The following PCCA variants were observed in gnomAD, a reference collection of about 807,000 sequenced individuals.
PCCA encodes the protein propionyl-CoA carboxylase alpha chain, mitochondrial.
In PCCA, 74 loss-of-function variants were observed where a neutral mutation model predicts 101.3. The ratio of observed to expected loss-of-function variants is 0.73; its 90% CI spans 0.61 to 0.89. The LOEUF is 0.89. Ranked by LOEUF, PCCA falls within the 40% of genes least tolerant of loss-of-function variation. PCCA has a pLI of 0.00. For missense variants in PCCA, 891 were observed against 907.0 expected, an observed-to-expected ratio of 0.98 and a Z score of 0.23; for synonymous variants, 294 against 313.6, an observed-to-expected ratio of 0.94 and a Z score of 0.66.
At chr13:100,451,848 TCTCTCCTCTTC>T (rs2081288261) in intron 21 of PCCA, among the ~76,000 whole-genome samples, 1 of 92,680 alleles carries the variant, frequency 1.1e-5, no homozygotes, top group Non-Finnish European at 2.4e-5. Flanking sequence ...CTCTCTCCTC[TCTCTCCTCTTC>T]CTCTCCTCTC....
intron 19 of PCCA, among the ~76,000 whole-genome samples, chr13:100,423,017 T>C (rs1013405830): frequency 2.0e-5 from 3 of 152,106 alleles, no homozygotes; most frequent in Admixed American, 6.5e-5. Flanking sequence ...TTTTTTTTTT[T>C]TTTCCAAATT....
chr13:100,221,400 CT>C (rs906435673), intron 7 of PCCA, among the ~76,000 whole-genome samples: 3 of 152,094 alleles, frequency 2.0e-5, no homozygotes. Context: ...TTTTAGTGGG[CT>C]TCGAACATGT....
At chr13:100,328,410 G>GATA (rs1227585271) in intron 16 of PCCA, among the ~76,000 whole-genome samples, 2 of 146,274 alleles carry the variant, frequency 1.4e-5, no homozygotes, top group African/African-American at 5.1e-5. Context: ...TAATAATGAT[G>GATA]ATAATAATAA....
intron 7 of PCCA, among the ~76,000 whole-genome samples, chr13:100,224,955 G>C (rs920498475): frequency 1.3e-5 from 2 of 152,198 alleles, no homozygotes; most frequent in Non-Finnish European, 2.9e-5. Flanking sequence ...GTATGGGCTG[G>C]AATGTGATGT....
chr13:100,269,101 G>A (rs1192387955), intron 11 of PCCA, among the ~76,000 whole-genome samples: 1 of 152,166 alleles, frequency 6.6e-6, no homozygotes, highest in African/African-American at 2.4e-5. Flanking sequence ...GCCCACCTCA[G>A]CCTCCCGAAG....
At chr13:100,468,982 C>T (rs905337698) in intron 21 of PCCA, among the ~76,000 whole-genome samples, 9 of 151,900 alleles carry the variant, frequency 5.9e-5, no homozygotes, top group Non-Finnish European at 1.3e-4. Context: ...GAGGCTGAGG[C>T]GGGTGGATCA....
At chr13:100,254,929 A>AC (rs1757974424) in intron 8 of PCCA, among the ~76,000 whole-genome samples, 1 of 151,914 alleles carries the variant, frequency 6.6e-6, no homozygotes, top group Admixed American at 6.6e-5. Context: ...AAAAAAAAAA[A>AC]AAGAAAATTA....
chr13:100,494,977 C>T (rs1566455206), intron 21 of PCCA, among the ~76,000 whole-genome samples: 1 of 152,184 alleles, frequency 6.6e-6, no homozygotes, highest in East Asian at 1.9e-4. Flanking sequence ...ATTTCATTTT[C>T]TCAACACAGA....
chr13:100,336,075 T>C (rs2152744524), intron 17 of PCCA, among the ~76,000 whole-genome samples: 1 of 152,112 alleles, frequency 6.6e-6, no homozygotes. Context: ...CCAGCCTGAC[T>C]AATGTGGAGA....
intron 16 of PCCA, among the ~76,000 whole-genome samples, chr13:100,328,123 G>C (rs1185987878): frequency 6.6e-6 from 1 of 152,208 alleles, no homozygotes; most frequent in South Asian, 2.1e-4. Context: ...CTAGCACTTC[G>C]GGAGGCCGAG....
At chr13:100,266,970 A>G (rs1348371503) in intron 10 of PCCA, among the ~76,000 whole-genome samples, 3 of 152,192 alleles carry the variant, frequency 2.0e-5, no homozygotes, top group African/African-American at 7.2e-5. Flanking sequence ...ATTTATTTAT[A>G]ATGTTTTCTG....
chr13:100,488,048 T>TA (rs905792656), intron 21 of PCCA, among the ~76,000 whole-genome samples: 4 of 152,040 alleles, frequency 2.6e-5, no homozygotes, highest in East Asian at 1.9e-4. Context: ...TATATATATA[T>TA]TTTTTAATGA....
chr13:100,347,239 AAC>A (rs578026294), intron 18 of PCCA, among the ~76,000 whole-genome samples: 49 of 152,336 alleles, frequency 3.2e-4, no homozygotes, highest in South Asian at 1.7e-3. Context: ...AATAGACTAC[AAC>A]ACAGTGTAAA....
chr13:100,406,879 T>C (rs2077713384), intron 19 of PCCA, among the ~76,000 whole-genome samples: 1 of 152,252 alleles, frequency 6.6e-6, no homozygotes, highest in Non-Finnish European at 1.5e-5. Context: ...CAGCTCTTTA[T>C]GAGTCTTGTA....
chr13:100,090,003 C>G (rs2046131844), intron 1 of PCCA, among the ~76,000 whole-genome samples: 1 of 152,200 alleles, frequency 6.6e-6, no homozygotes, highest in African/African-American at 2.4e-5. Flanking sequence ...ACCTAACCTA[C>G]TTTATAAGGT....
intron 12 of PCCA, among the ~76,000 whole-genome samples, chr13:100,282,834 T>G: frequency 6.6e-6 from 1 of 152,144 alleles, no homozygotes; most frequent in Non-Finnish European, 1.5e-5. Flanking sequence ...CAGGAGGACC[T>G]CTCAGCTCAC....
At chr13:100,118,120 A>G (rs2048999943) in intron 4 of PCCA, among the ~76,000 whole-genome samples, 2 of 147,656 alleles carry the variant, frequency 1.4e-5, no homozygotes, top group Admixed American at 6.7e-5. Flanking sequence ...CATCTCAAAA[A>G]AAAAGAAAAA....
intron 21 of PCCA, among the ~76,000 whole-genome samples, chr13:100,480,829 G>A (rs574512232): frequency 5.0e-4 from 76 of 152,184 alleles, no homozygotes; most frequent in Non-Finnish European, 9.0e-4. Context: ...TGACAGTCAC[G>A]AAGGGGAATC....
At chr13:100,200,472 C>T (rs542381562) in intron 6 of PCCA, among the ~76,000 whole-genome samples, 83 of 152,232 alleles carry the variant, frequency 5.5e-4, no homozygotes, top group Non-Finnish European at 1.0e-4. Context: ...TTGGAGATCA[C>T]AGTTGGGGTA....
Sources: gnomAD v4.1 joint callset for allele counts (sites outside exome capture counted in the v4.1 genomes callset) on GRCh38, gnomAD v4.1.1 for gene constraint, MANE v1.5 for transcripts, NCBI Gene and HGNC (gene_info 2026-07-23, HGNC 2026-07-21) for gene names.